Variants in DNM3 observed in about 807,000 individuals in gnomAD.
The protein encoded by DNM3 is dynamin-3.
DNM3 carries 47 observed loss-of-function variants against 101.6 expected under a neutral mutation model. That is an observed-to-expected ratio of 0.46 (90% CI 0.37 to 0.59). The LOEUF (loss-of-function observed/expected upper bound fraction) is 0.59, where lower values mean the gene tolerates loss of function less well. DNM3 is among the 20% of genes least tolerant of loss of function. The probability of loss-of-function intolerance (pLI) is 0.00; values close to 1 mark genes in which losing one functional copy is unlikely to be tolerated. For synonymous variants in DNM3, 385 were observed against 387.9 expected (o/e 0.99, Z 0.09); for missense variants, 849 against 1,085.7 (o/e 0.78, Z 3.06).
intron 15 of DNM3, among the ~76,000 whole-genome samples, chr1:172,287,805 GCACACACACACA>G (rs3078985): frequency 5.6e-5 from 8 of 144,136 alleles, no homozygotes; most frequent in Admixed American, 4.2e-4. Flanking sequence ...ATATACACAT[GCACACACACACA>G]CACACACACA....
At chr1:172,094,124 A>C (rs2147831077) in intron 13 of DNM3, among the ~76,000 whole-genome samples, 1 of 152,306 alleles carries the variant, frequency 6.6e-6, no homozygotes, top group East Asian at 1.9e-4. Flanking sequence ...TATTTCCAAT[A>C]AATGTAGATG....
At chr1:171,932,668 GC>G (rs2041121372) in intron 2 of DNM3, among the ~76,000 whole-genome samples, 1 of 152,098 alleles carries the variant, frequency 6.6e-6, no homozygotes, top group Non-Finnish European at 1.5e-5. Flanking sequence ...AAAAGCCGTT[GC>G]ATTTTAAACT....
intron 13 of DNM3, among the ~76,000 whole-genome samples, chr1:172,123,529 C>A (rs1018916049): frequency 6.6e-6 from 1 of 152,136 alleles, no homozygotes; most frequent in African/African-American, 2.4e-5. Flanking sequence ...CTTTTGAACA[C>A]TTTCCTGAAT....
chr1:172,323,170 G>GA (rs1423872138), intron 16 of DNM3, among the ~76,000 whole-genome samples, 159 bp from the exon 17 acceptor site: 1 of 152,014 alleles, frequency 6.6e-6, no homozygotes, highest in Non-Finnish European at 1.5e-5. Context: ...AGATGTCAGT[G>GA]AATAGTTAAA....
rs143178913 is a variant in DNM3, at chr1:172,151,427, T to C, written c.1659+20139T>C. On this transcript the variant is annotated intron_variant, in intron 14 of 20. Coordinates refer to ENST00000627582, the MANE Select transcript of DNM3 (RefSeq NM_015569.5). ...GCATTTTAAAACTACACACACATTT[T>C]GTGTACTATTGGTTCATTTTTGTTT... Among the ~76,000 whole-genome samples the C allele has an allele frequency of 3.0e-3, 461 of 152,300 alleles. 2 individuals are homozygous for C. The highest frequency in any genetic ancestry group is 1.0e-2 in the African/African-American group (414 of 41,578).
At chr1:171,899,479 T>G (rs997742643) in intron 1 of DNM3, among the ~76,000 whole-genome samples, 5 of 152,224 alleles carry the variant, frequency 3.3e-5, no homozygotes, top group Non-Finnish European at 4.4e-5. Flanking sequence ...TCAGATTTCC[T>G]TGCCTACTTT....
At chr1:172,191,065 G>T (rs1219075506) in intron 14 of DNM3, among the ~76,000 whole-genome samples, 2 of 152,050 alleles carry the variant, frequency 1.3e-5, no homozygotes, top group Admixed American at 6.6e-5. Flanking sequence ...CATTGCTTTT[G>T]TTGTTTTAGT....
At chr1:172,212,004 A>G (rs2060530184) in intron 14 of DNM3, among the ~76,000 whole-genome samples, 1 of 152,222 alleles carries the variant, frequency 6.6e-6, no homozygotes, top group South Asian at 2.1e-4. Flanking sequence ...CTTTAATGTT[A>G]TCTATTTGTT....
intron 1 of DNM3, among the ~76,000 whole-genome samples, chr1:171,893,777 C>G (rs1166727003): frequency 6.6e-6 from 1 of 151,312 alleles, no homozygotes; most frequent in Non-Finnish European, 1.5e-5. Flanking sequence ...TTTGGACCGG[C>G]AATTTTGAGT....
chr1:171,871,867 T>TTG lies in DNM3; in HGVS notation c.161+30051_161+30052insGT, dbSNP rs34121540. Among the ~76,000 whole-genome samples the TTG allele has an allele frequency of 3.0e-4, 46 of 151,630 alleles. No individual in the cohort carries two copies. In the East Asian group the frequency reaches 6.2e-3, roughly 20 times the overall value. On this transcript the variant is annotated intron_variant, in intron 1 of 20. Transcript: ENST00000627582. ...TTAAAATTTTAGTTGTTGTCTTGTT[T>TTG]TTTTTTTTTTGCTAAATAGAATATT...
At chr1:172,019,481 A>T (rs1382177129) in intron 4 of DNM3, among the ~76,000 whole-genome samples, 4 of 151,322 alleles carry the variant, frequency 2.6e-5, no homozygotes, top group Admixed American at 6.6e-5. Context: ...CATTTATCCC[A>T]CTTGCTGTCG....
chr1:172,235,863 G>T (rs192508658), intron 14 of DNM3, among the ~76,000 whole-genome samples: 5 of 152,138 alleles, frequency 3.3e-5, no homozygotes, highest in African/African-American at 1.2e-4. Context: ...GGAGAGTGGG[G>T]AGGGATAGCA....
At chr1:171,987,096 C>T (rs904521509) in intron 2 of DNM3, among the ~76,000 whole-genome samples, 1 of 151,916 alleles carries the variant, frequency 6.6e-6, no homozygotes, top group African/African-American at 2.4e-5. Flanking sequence ...TACTCTATAA[C>T]TTTTTTCCTT....
chr1:172,227,273 T>G (rs1341328949), intron 14 of DNM3, among the ~76,000 whole-genome samples: 2 of 66,434 alleles, frequency 3.0e-5, no homozygotes, highest in South Asian at 6.1e-4. Flanking sequence ...TATTTTGTGA[T>G]ATATATATAT....
chr1:171,902,002 G>A (rs2038402426), intron 1 of DNM3, among the ~76,000 whole-genome samples: 1 of 152,122 alleles, frequency 6.6e-6, no homozygotes. Context: ...ATTAGTTCAA[G>A]TTTACATTTC....
intron 11 of DNM3, among the ~76,000 whole-genome samples, chr1:172,081,348 G>T (rs550487234): frequency 2.6e-5 from 4 of 152,118 alleles, no homozygotes; most frequent in Non-Finnish European, 5.9e-5. Context: ...TGTGTAAAGT[G>T]TCTTGAGATG....
chr1:172,011,943 A>G (rs1021840450), intron 4 of DNM3, among the ~76,000 whole-genome samples: 5 of 151,982 alleles, frequency 3.3e-5, no homozygotes, highest in Admixed American at 1.3e-4. Flanking sequence ...TTTCAAATCC[A>G]CCTTAAATGT....
At chr1:172,211,683 C>A (rs2060520500) in intron 14 of DNM3, among the ~76,000 whole-genome samples, 1 of 152,050 alleles carries the variant, frequency 6.6e-6, no homozygotes, top group Non-Finnish European at 1.5e-5. Flanking sequence ...AATTTTTTTA[C>A]ATTGATGGGT....
intron 14 of DNM3, among the ~76,000 whole-genome samples, chr1:172,219,182 A>T (rs1476677448): frequency 6.6e-6 from 1 of 151,798 alleles, no homozygotes; most frequent in Admixed American, 6.6e-5. Context: ...GAAAGATCTC[A>T]TCTCTACAAA....
Sources: gnomAD v4.1 joint callset for allele counts (sites outside exome capture counted in the v4.1 genomes callset) on GRCh38, gnomAD v4.1.1 for gene constraint, MANE v1.5 for transcripts, NCBI Gene and HGNC (gene_info 2026-07-23, HGNC 2026-07-21) for gene names.